The following GGCX variants were observed in gnomAD, a reference collection of about 807,000 sequenced individuals.
GGCX encodes the protein vitamin K-dependent gamma-carboxylase.
In GGCX, 63 loss-of-function variants were observed where a neutral mutation model predicts 88.5. That is an observed-to-expected ratio of 0.71 (90% CI 0.58 to 0.88). GGCX has a LOEUF of 0.88. Ranked by LOEUF, GGCX falls within the 40% of genes least tolerant of loss-of-function variation. The pLI, the probability that GGCX is intolerant of heterozygous loss-of-function variation, is 0.00. For synonymous variants in GGCX, 368 were observed against 365.8 expected (o/e 1.01, Z -0.07); for missense variants, 805 against 932.9 (o/e 0.86, Z 1.79).
chr2:85,551,925 G>A lies in GGCX; in HGVS notation c.1496C>T (p.Thr499Ile). 6.2e-7 allele frequency: 1 copy of A among 1,613,772 alleles called. No individual in the cohort carries two copies. The highest frequency in any genetic ancestry group is 8.5e-7 in the Non-Finnish European group (1 of 1,179,654). The change falls in exon 11 of 15, where the codon ACA becomes ATA. Residue 499 changes from threonine to isoleucine, a missense_variant. By Grantham distance (89) the Thr-to-Ile change is moderately conservative. This residue lies in a region of GGCX where 680 missense variants were observed against 763.7 expected (regional missense o/e 0.89). Coordinates refer to ENST00000233838, the MANE Select transcript of GGCX (RefSeq NM_000821.7). ...VQAAWSPFQR[T>I]SWVQPLLMDL... ...CATCAAGAGTGGTTGCACCCAGGAT[G>A]TGCGCTGAAAGGGTGACCAAGCGGC...
In GGCX at chr2:85,552,931, C is replaced by T. The variant is rs1692026233; in HGVS notation, c.1287+8G>A. The T allele has an allele frequency of 1.2e-6, 2 of 1,614,146 alleles. No individual in the cohort carries two copies. The highest frequency in any genetic ancestry group is 8.5e-7 in the Non-Finnish European group (1 of 1,179,960). On this transcript the variant is annotated splice_region_variant and intron_variant, in intron 9 of 14. Coordinates refer to ENST00000233838, the MANE Select transcript of GGCX (RefSeq NM_000821.7). The stretch of plus-strand genomic sequence containing the variant: ...AGAACAGTAAATTGTCAGCATCAGA[C>T]ATCTCACCCCAGGGTTAAGGTAGCC...
chr2:85,558,709 A>G (rs1361979755), intron 3 of GGCX, 104 bp from the exon 4 acceptor site: 1 of 980,290 alleles, frequency 1.0e-6, no homozygotes, highest in Admixed American at 1.7e-5. Flanking sequence ...GCATTGTATA[A>G]TCACATAAAA....
At position 85,553,056 on chromosome 2, in the gene GGCX, C is replaced by A. The variant is rs1692037959; in HGVS notation, c.1170G>T (p.Trp390Cys). The stretch of plus-strand genomic sequence containing the variant: ...AGGAATAGCCATACAGCCCATTTGT[C>A]CAGTTGTTATAGCCCTGGGAAGGCA... ...SHFLTQGYNNWTNGLYGYSWD... is the reference protein window; with the variant it reads ...SHFLTQGYNNCTNGLYGYSWD... The change falls in exon 9 of 15, where the codon TGG becomes TGT. Residue 390 changes from tryptophan to cysteine, a missense_variant. Trp to Cys is a radical substitution (Grantham distance 215). This residue lies in a region of GGCX where 680 missense variants were observed against 763.7 expected (regional missense o/e 0.89). Transcript: ENST00000233838. The A allele has an allele frequency of 6.2e-7, 1 of 1,614,184 alleles. No homozygotes were observed. Among genetic ancestry groups the A allele is most frequent in the Non-Finnish European group, 8.5e-7 (1 of 1,180,004 alleles).
Position 85,545,086 on chromosome 2 carries a change from G to A in GGCX, c.*4848C>T, listed in dbSNP as rs867667606. ...ACAGAAGGGAGGGCAGAGCTGGTGCGGCTGGCCATGGAGAAAGCTGACTTG... is the reference window on the plus strand; with the variant it reads ...ACAGAAGGGAGGGCAGAGCTGGTGCAGCTGGCCATGGAGAAAGCTGACTTG... On this transcript the variant is annotated 3_prime_UTR_variant, in exon 15 of 15. Coordinates refer to ENST00000233838, the MANE Select transcript of GGCX (RefSeq NM_000821.7). The A allele has an allele frequency of 2.6e-5, 4 of 152,628 alleles. No individual in the cohort carries two copies. The highest frequency in any genetic ancestry group is 4.4e-5 in the Non-Finnish European group (3 of 68,098). 9.5% of individuals were successfully genotyped at this position (152,628 alleles called of 1,614,324 possible).
In GGCX at chr2:85,550,038, A is replaced by T; in HGVS notation, c.2173T>A (p.Leu725Met). 3 of 1,612,432 alleles carry T rather than the reference A, an allele frequency of 1.9e-6. No individual in the cohort carries two copies. The highest frequency in any genetic ancestry group is 2.5e-6 in the Non-Finnish European group (3 of 1,178,608). ...QLAQEVTYANLRPFEAVGELN... is the reference protein window; with the variant it reads ...QLAQEVTYANMRPFEAVGELN... The stretch of plus-strand genomic sequence containing the variant: ...TCTCCAACTGCCTCAAAGGGTCTCA[A>T]GTTTGCATAAGTCACCTCCTGGGCC... Residue 725 changes from leucine (L) to methionine (M), a missense_variant, in exon 15 of 15, where the codon TTG becomes ATG. Physicochemically the swap from Leu to Met is conservative, Grantham distance 15. This residue lies in a region of GGCX where 680 missense variants were observed against 763.7 expected (regional missense o/e 0.89). Transcript: ENST00000233838.
chr2:85,556,057 GC>G, intron 5 of GGCX, 124 bp downstream of exon 5: 1 of 716,976 alleles, frequency 1.4e-6, no homozygotes, highest in South Asian at 1.5e-5. Context: ...TAGCTTTCCA[GC>G]AAAGGGTAAA....
intron 12 of GGCX, 74 bp from the exon 13 acceptor site, chr2:85,551,146 C>T (rs1573319809): frequency 7.4e-7 from 1 of 1,350,424 alleles, no homozygotes; most frequent in South Asian, 1.2e-5. Flanking sequence ...TACTCTATGA[C>T]TCTTGGCTTC....
chr2:85,546,878 C>T lies in GGCX; in HGVS notation c.*3056G>A, dbSNP rs1329924815. On this transcript the variant is annotated 3_prime_UTR_variant, in exon 15 of 15. Transcript: ENST00000233838. ...TTAGATGCCAATACATTGCAGATAA[C>T]CATATTGGCTACATTAGGGGAATGA... The T allele has an allele frequency of 1.3e-5, 2 of 152,220 alleles. No homozygotes were observed. The highest frequency in any genetic ancestry group is 3.8e-4 in the East Asian group (2 of 5,198). The allele number at this position is 152,220 out of a possible 1,614,324, so 9.4% of individuals were successfully genotyped here. A position where few individuals can be genotyped will look rare whatever the true frequency, so the allele number is the denominator to read the frequency against.
intron 4 of GGCX, among the ~76,000 whole-genome samples, chr2:85,556,495 C>G (rs1424265765): frequency 1.3e-5 from 2 of 152,030 alleles, no homozygotes; most frequent in African/African-American, 4.8e-5. Context: ...TTGTTAGCTC[C>G]CAGTTGAGTT....
intron 14 of GGCX, 66 bp from the exon 15 acceptor site, chr2:85,550,192 C>T: frequency 8.1e-7 from 1 of 1,230,088 alleles, no homozygotes; most frequent in Non-Finnish European, 1.2e-6. Flanking sequence ...TCAGCTAAAG[C>T]CCTTAGAAGG....
rs41290035 is a variant in GGCX at position 85,560,840 on chromosome 2, G to A, written c.189C>T (p.Ser63=). The change falls in exon 2 of 15, where the codon AGC becomes AGT. Residue 63 remains serine (S), a synonymous_variant. Coordinates refer to ENST00000233838, the MANE Select transcript of GGCX (RefSeq NM_000821.7). ...TLLNRPTDPA[S]LAVFRFLFGF... Reference sequence around the variant, plus strand: ...CAAAAAGAAAACGAAAGACAGCTAAGCTTGCAGGGTCCGTTGGTCGATTCA... The same window carrying A: ...CAAAAAGAAAACGAAAGACAGCTAAACTTGCAGGGTCCGTTGGTCGATTCA... 6,267 of 1,614,064 alleles carry A rather than the reference G, an allele frequency of 3.9e-3. 28 individuals are homozygous for A. Among genetic ancestry groups the A allele is most frequent in the Non-Finnish European group, 4.8e-3 (5,717 of 1,179,930 alleles).
chr2:85,553,915 A>G lies in GGCX; in HGVS notation c.889+228T>C, dbSNP rs568066055. Reference sequence around the variant, plus strand: ...CAAGCCCGGCCACAAAGTAGTTCTTAACTGTAAGATATTTGTTCTTCCTGG... The same window carrying G: ...CAAGCCCGGCCACAAAGTAGTTCTTGACTGTAAGATATTTGTTCTTCCTGG... On this transcript the variant is annotated intron_variant, in intron 7 of 14. Coordinates refer to ENST00000233838, the MANE Select transcript of GGCX (RefSeq NM_000821.7). 82 of 574,322 alleles carry G rather than the reference A, an allele frequency of 1.4e-4. No homozygotes were observed. In the African/African-American group the frequency reaches 1.4e-3, roughly 10 times the overall value. The allele number at this position is 574,322 out of a possible 1,614,324, so 35.6% of individuals were successfully genotyped here.
In GGCX at chr2:85,555,603, TG is replaced by T; in HGVS notation, c.619-14del. ...ACACAATGAAGATCTGAAAATAAAA[TG>T]TGACACAAAGTTCAAGCAAAAAGAA... On this transcript the variant is annotated splice_polypyrimidine_tract_variant and intron_variant, in intron 5 of 14. Coordinates refer to ENST00000233838, the MANE Select transcript of GGCX (RefSeq NM_000821.7). The T allele has an allele frequency of 7.1e-7, 1 of 1,405,428 alleles. No individual in the cohort carries two copies. The highest frequency in any genetic ancestry group is 1.0e-6 in the Non-Finnish European group (1 of 989,490). The allele number at this position is 1,405,428 out of a possible 1,614,324, so 87.1% of individuals were successfully genotyped here. A position where few individuals can be genotyped will look rare whatever the true frequency, so the allele number is the denominator to read the frequency against.
In GGCX at chr2:85,547,681, TCCCA is replaced by T. The variant is rs960526107; in HGVS notation, c.*2249_*2252del. 1 of 147,884 alleles carries T rather than the reference TCCCA, an allele frequency of 6.8e-6. No homozygotes were observed. The allele number at this position is 147,884 out of a possible 1,614,324, so 9.2% of individuals were successfully genotyped here. ...CAAAAGGATTGAAAATCAGCATCCC[TCCCA>T]CCCATTCTTACAAAGTAATCAGGGG... On this transcript the variant is annotated 3_prime_UTR_variant, in exon 15 of 15. Coordinates refer to ENST00000233838, the MANE Select transcript of GGCX (RefSeq NM_000821.7).
intron 1 of GGCX, 27 bp from the exon 2 acceptor site, chr2:85,561,012 GTGTGCGGGGGTGGGC>G (rs766352009): frequency 6.4e-7 from 1 of 1,570,232 alleles, no homozygotes; most frequent in South Asian, 1.1e-5. Flanking sequence ...GAGAAAATAT[GTGTGCGGGGGTGGGC>G]TCCACCTCAA....
chr2:85,545,917 A>C lies in GGCX; in HGVS notation c.*4017T>G, dbSNP rs1332161661. 2 of 152,238 alleles carry C rather than the reference A, an allele frequency of 1.3e-5. No individual in the cohort carries two copies. The highest frequency in any genetic ancestry group is 2.4e-5 in the African/African-American group (1 of 41,454). 9.4% of individuals were successfully genotyped at this position (152,238 alleles called of 1,614,324 possible). A position where few individuals can be genotyped will look rare whatever the true frequency, so the allele number is the denominator to read the frequency against. The stretch of plus-strand genomic sequence containing the variant: ...TGCAAATTAGCTGAAAATGCTATAA[A>C]TTTCCAAAGGCTTAAATTTCATTTA... On this transcript the variant is annotated 3_prime_UTR_variant, in exon 15 of 15. Transcript: ENST00000233838.
At position 85,547,746 on chromosome 2, in the gene GGCX, C is replaced by G. The variant is rs1039822299; in HGVS notation, c.*2188G>C. 6.6e-6 allele frequency: 1 copy of G among 152,122 alleles called. No homozygotes were observed. The highest frequency in any genetic ancestry group is 1.5e-5 in the Non-Finnish European group (1 of 68,034). The allele number at this position is 152,122 out of a possible 1,614,324, so 9.4% of individuals were successfully genotyped here. ...ACAGCCATTGCTTGCCCATATAATA[C>G]CTTGAATGAATTAGAGATTTTCCAC... On this transcript the variant is annotated 3_prime_UTR_variant, in exon 15 of 15. Coordinates refer to ENST00000233838, the MANE Select transcript of GGCX (RefSeq NM_000821.7).
In GGCX at chr2:85,552,477, C is replaced by T. The variant is rs149078813; in HGVS notation, c.1378G>A (p.Val460Ile). The T allele has an allele frequency of 1.1e-4, 180 of 1,613,860 alleles. 1 individual carries two copies. In the East Asian group the frequency reaches 3.8e-3, roughly 34 times the overall value. ...CLSRLLPKYN[V>I]TEPQIYFDIW... Reference sequence around the variant, plus strand: ...TCAAAGTAGATCTGGGGCTCAGTGACATTATACTTGGGAAGCAGGCGGCTC... The same window carrying T: ...TCAAAGTAGATCTGGGGCTCAGTGATATTATACTTGGGAAGCAGGCGGCTC... Residue 460 changes from valine (V) to isoleucine (I), a missense_variant, in exon 10 of 15, where the codon GTC (valine) becomes ATC (isoleucine). Around this residue, in one of 3 missense-constraint regions of GGCX, gnomAD observed 680 missense variants for 763.7 expected, o/e 0.89. Coordinates refer to ENST00000233838, the MANE Select transcript of GGCX (RefSeq NM_000821.7).
chr2:85,549,842 AC>A lies in GGCX; in HGVS notation c.*91del, dbSNP rs1691845796. ...CCGCCCCCCCAAAAAAAAAAAAAAA[AC>A]TTTTGAGAATTTTTTTCAAATAAAT... On this transcript the variant is annotated 3_prime_UTR_variant, in exon 15 of 15. Coordinates refer to ENST00000233838, the MANE Select transcript of GGCX (RefSeq NM_000821.7). 45 of 705,722 alleles carry A rather than the reference AC, an allele frequency of 6.4e-5. No homozygotes were observed. Among genetic ancestry groups the A allele is most frequent in the East Asian group, 1.7e-4 (4 of 23,492 alleles). The allele number at this position is 705,722 out of a possible 1,614,324, so 43.7% of individuals were successfully genotyped here.
Sources: gnomAD v4.1 joint callset for allele counts (sites outside exome capture counted in the v4.1 genomes callset) on GRCh38, gnomAD v4.1.1 for gene constraint, gnomAD v4.1.1 regional missense constraint, MANE v1.5 for transcripts, NCBI Gene and HGNC (gene_info 2026-07-23, HGNC 2026-07-21) for gene names.